Variants in EML4 observed in about 807,000 individuals in gnomAD.
EML4 encodes the protein echinoderm microtubule-associated protein-like 4.
EML4 carries 72 observed loss-of-function variants against 129.0 expected under a neutral mutation model. That is an observed-to-expected ratio of 0.56 (90% CI 0.46 to 0.68). The LOEUF is 0.68. Ranked by LOEUF, EML4 falls within the 30% of genes least tolerant of loss-of-function variation. The pLI is 0.00. For synonymous variants in EML4, 532 were observed against 405.0 expected (o/e 1.31, Z -3.77); for missense variants, 1,363 against 1,190.6 (o/e 1.14, Z -2.13).
At chr2:42,309,029 T>C (rs576721400) in intron 17 of EML4, among the ~76,000 whole-genome samples, 3 of 152,360 alleles carry the variant, frequency 2.0e-5, no homozygotes, top group Admixed American at 2.0e-4. Flanking sequence ...CTACATACAT[T>C]CATACATGAG....
chr2:42,302,987 C>T, intron 14 of EML4, 117 bp from the exon 15 acceptor site: 5 of 901,610 alleles, frequency 5.5e-6, no homozygotes, highest in Non-Finnish European at 8.6e-6. Flanking sequence ...TTACCATATC[C>T]AAATTTGGGC....
Position 42,169,606 on chromosome 2 carries a change from C to A in EML4, c.-6C>A. 6.3e-7 allele frequency: 1 copy of A among 1,598,962 alleles called. No individual in the cohort carries two copies. Among genetic ancestry groups the A allele is most frequent in the Non-Finnish European group, 8.5e-7 (1 of 1,173,774 alleles). On this transcript the variant is annotated 5_prime_UTR_variant, in exon 1 of 23. Coordinates refer to ENST00000318522, the MANE Select transcript of EML4 (RefSeq NM_019063.5). ...TAAGCCCGGAGCCCGGCGCTTTCCC[C>A]GCAAGATGGACGGTTTCGCCGGCAG... is the stretch of plus-strand genomic sequence containing the variant.
intron 17 of EML4, among the ~76,000 whole-genome samples, chr2:42,309,432 A>AAG (rs1668804759): frequency 1.4e-5 from 1 of 73,860 alleles, no homozygotes; most frequent in African/African-American, 3.9e-5. Context: ...CAACCACCAC[A>AAG]AAAAAAAAAA....
At chr2:42,280,746 G>T in intron 6 of EML4, 104 bp from the exon 7 acceptor site, 1 of 819,366 alleles carries the variant, frequency 1.2e-6, no homozygotes, top group East Asian at 2.7e-5. Context: ...AAACTTTGAA[G>T]TAGTCATTTT....
Position 42,304,564 on chromosome 2 carries a change from A to C in EML4, c.1967+13A>C. On this transcript the variant is annotated intron_variant, in intron 17 of 22. Coordinates refer to ENST00000318522, the MANE Select transcript of EML4 (RefSeq NM_019063.5). The stretch of plus-strand genomic sequence containing the variant: ...CGCACTCAGGCAGGTAGGGTCTTTA[A>C]GTGAACTGAGTAATCTGAAGTGGTG... The C allele has an allele frequency of 1.3e-6, 2 of 1,599,530 alleles. No individual in the cohort carries two copies. The highest frequency in any genetic ancestry group is 1.7e-6 in the Non-Finnish European group (2 of 1,166,768).
chr2:42,190,110 T>G (rs1357623808), intron 1 of EML4, among the ~76,000 whole-genome samples: 1 of 152,172 alleles, frequency 6.6e-6, no homozygotes. Context: ...AGCAGAAATA[T>G]TCCTTGAGAA....
intron 6 of EML4, among the ~76,000 whole-genome samples, chr2:42,280,080 C>G (rs189060695): frequency 6.6e-6 from 1 of 152,060 alleles, no homozygotes; most frequent in Admixed American, 6.6e-5. Context: ...TTGATTGTTT[C>G]CTGGCATAAG....
At chr2:42,184,316 G>T (rs1223813726) in intron 1 of EML4, among the ~76,000 whole-genome samples, 1 of 151,802 alleles carries the variant, frequency 6.6e-6, no homozygotes, top group Admixed American at 6.6e-5. Context: ...CATGTGCCAT[G>T]TTGGTGTGCT....
chr2:42,282,732 G>C (rs1667079807), intron 7 of EML4, 91 bp from the exon 8 acceptor site: 2 of 1,146,342 alleles, frequency 1.7e-6, no homozygotes, highest in East Asian at 2.4e-5. Context: ...CTTCTTCATT[G>C]TACCTTCCTA....
intron 3 of EML4, 77 bp from the exon 4 acceptor site, chr2:42,261,044 A>G: frequency 9.0e-7 from 1 of 1,112,414 alleles, no homozygotes; most frequent in Non-Finnish European, 1.3e-6. Flanking sequence ...GAATTATATA[A>G]TAATCACTTT....
At chr2:42,316,621 C>G (rs1402104995) in intron 18 of EML4, among the ~76,000 whole-genome samples, 1 of 152,164 alleles carries the variant, frequency 6.6e-6, no homozygotes, top group South Asian at 2.1e-4. Flanking sequence ...TGTGATAATA[C>G]TCCAGTTACC....
chr2:42,183,965 G>C (rs2579968), intron 1 of EML4, among the ~76,000 whole-genome samples: 92,918 of 151,816 alleles, frequency 0.61, 29,017 homozygotes, highest in East Asian at 0.75. Context: ...TCACCTCTTT[G>C]ACCTTCTGGC....
At chr2:42,211,967 C>G (rs916128734) in intron 1 of EML4, among the ~76,000 whole-genome samples, 9 of 152,088 alleles carry the variant, frequency 5.9e-5, no homozygotes, top group Non-Finnish European at 1.5e-5. Context: ...GCGTCAGCCC[C>G]CCAAGTAGCT....
chr2:42,256,744 C>A, intron 3 of EML4, 114 bp downstream of exon 3: 1 of 1,294,152 alleles, frequency 7.7e-7, no homozygotes, highest in Non-Finnish European at 1.1e-6. Flanking sequence ...GTGAGCATGT[C>A]CTTTGAATTC....
At chr2:42,300,819 A>G (rs1162932711) in intron 13 of EML4, among the ~76,000 whole-genome samples, 1 of 152,192 alleles carries the variant, frequency 6.6e-6, no homozygotes, top group African/African-American at 2.4e-5. Context: ...GTTATTAGCT[A>G]ACTATGTGGT....
chr2:42,199,806 C>A (rs879510206), intron 1 of EML4, among the ~76,000 whole-genome samples: 1 of 151,960 alleles, frequency 6.6e-6, no homozygotes, highest in Non-Finnish European at 1.5e-5. Flanking sequence ...CACAGAAATC[C>A]GAGGCCATAA....
intron 1 of EML4, among the ~76,000 whole-genome samples, chr2:42,235,007 A>G (rs906136280): frequency 2.6e-5 from 4 of 151,976 alleles, no homozygotes; most frequent in Non-Finnish European, 4.4e-5. Context: ...AAATACAAAA[A>G]TTAGCGGGTC....
chr2:42,221,966 G>A (rs1673633797), intron 1 of EML4, among the ~76,000 whole-genome samples: 2 of 151,924 alleles, frequency 1.3e-5, no homozygotes, highest in South Asian at 2.1e-4. Flanking sequence ...GAACTCCTGG[G>A]CTCAAGCGAT....
rs74797469 is a variant in EML4, at chr2:42,237,492, G to A, written c.26-8013G>A. The stretch of plus-strand genomic sequence containing the variant: ...ATCTTCTTGGATTTTATTTTTGTGT[G>A]TGGTGGAGATATGGGCTTTAATATA... On this transcript the variant is annotated intron_variant, in intron 1 of 22. Transcript: ENST00000318522. Among the ~76,000 whole-genome samples the A allele has an allele frequency of 2.5e-4, 38 of 152,106 alleles. 1 individual carries two copies. The East Asian group carries it at 7.1e-3, about 29-fold the overall frequency.
Sources: gnomAD v4.1 joint callset for allele counts (sites outside exome capture counted in the v4.1 genomes callset) on GRCh38, gnomAD v4.1.1 for gene constraint, MANE v1.5 for transcripts, NCBI Gene and HGNC (gene_info 2026-07-23, HGNC 2026-07-21) for gene names.